Variants in BRAF observed in about 807,000 individuals in gnomAD.
The protein encoded by BRAF is B-Raf proto-oncogene, serine/threonine kinase.
BRAF carries 16 observed loss-of-function variants against 104.6 expected under a neutral mutation model. The observed-to-expected ratio is 0.15, with a 90% CI of 0.10 to 0.23. The LOEUF (loss-of-function observed/expected upper bound fraction) is 0.23. BRAF is among the 10% of genes least tolerant of loss of function. BRAF has a pLI of 1.00. For synonymous variants in BRAF, 310 were observed against 341.6 expected (o/e 0.91, Z 1.02); for missense variants, 541 against 937.3 (o/e 0.58, Z 5.52).
rs1001080929 is a variant in BRAF at position 140,762,604 on chromosome 7, T to G, written c.1815-8371A>C. 9.3e-5 allele frequency among the ~76,000 whole-genome samples: 6 copies of G among 64,458 alleles called. No homozygotes were observed. The East Asian group carries it at 2.2e-3, about 24-fold the overall frequency. 42.3% of individuals were successfully genotyped at this position (64,458 alleles called of 152,430 possible). A position where few individuals can be genotyped will look rare whatever the true frequency, so the allele number is the denominator to read the frequency against. ...AAAAAATTAATGAATCCAGGAGCTGTTTTTTTTTTTTTTTTTTTTTTAATT... is the reference window on the plus strand; with the variant it reads ...AAAAAATTAATGAATCCAGGAGCTGGTTTTTTTTTTTTTTTTTTTTTAATT... On this transcript the variant is annotated intron_variant, in intron 14 of 19. Transcript: ENST00000644969.
At chr7:140,736,004 G>GAGTATA (rs1355180676) in intron 18 of BRAF, among the ~76,000 whole-genome samples, 3 of 151,228 alleles carry the variant, frequency 2.0e-5, no homozygotes, top group Admixed American at 6.6e-5. Flanking sequence ...AATGTATAAA[G>GAGTATA]AGTATAAGGC....
chr7:140,874,006 T>C (rs922381467), intron 1 of BRAF, among the ~76,000 whole-genome samples: 1 of 151,872 alleles, frequency 6.6e-6, no homozygotes, highest in African/African-American at 2.4e-5. Flanking sequence ...AAAGAACAAA[T>C]TGAGCAGAAA....
chr7:140,746,376 GGGGATGACAAA>G, intron 17 of BRAF, among the ~76,000 whole-genome samples: 1 of 152,158 alleles, frequency 6.6e-6, no homozygotes, highest in African/African-American at 2.4e-5. Flanking sequence ...AAGAGAGTGG[GGGGATGACAAA>G]GTGATTTCCC....
chr7:140,853,013 G>C (rs1809352037), intron 1 of BRAF, among the ~76,000 whole-genome samples: 1 of 152,018 alleles, frequency 6.6e-6, no homozygotes, highest in Non-Finnish European at 1.5e-5. Flanking sequence ...TTACCACCCT[G>C]GTCTAAGCCA....
intron 14 of BRAF, among the ~76,000 whole-genome samples, chr7:140,759,590 T>C (rs1028703967): frequency 6.6e-6 from 1 of 152,222 alleles, no homozygotes; most frequent in Non-Finnish European, 1.5e-5. Flanking sequence ...TTCACCATTT[T>C]GGTCAAGCTG....
intron 1 of BRAF, among the ~76,000 whole-genome samples, chr7:140,874,505 A>C (rs1811980212): frequency 6.6e-6 from 1 of 151,332 alleles, no homozygotes; most frequent in African/African-American, 2.4e-5. Context: ...TGGCCTAAAA[A>C]AAGTTTACTT....
chr7:140,872,244 TTGC>T (rs1811685795), intron 1 of BRAF, among the ~76,000 whole-genome samples: 1 of 151,224 alleles, frequency 6.6e-6, no homozygotes, highest in African/African-American at 2.4e-5. Flanking sequence ...AATAAATAAA[TTGC>T]ACAGAACAAG....
Position 140,724,512 on chromosome 7 carries a change from TAAA to T in BRAF, c.*1979_*1981del. The T allele has an allele frequency of 9.5e-7, 1 of 1,049,300 alleles. No homozygotes were observed. Among genetic ancestry groups the T allele is most frequent in the Non-Finnish European group, 1.2e-6 (1 of 869,332 alleles). 65.0% of individuals were successfully genotyped at this position (1,049,300 alleles called of 1,614,324 possible). On this transcript the variant is annotated 3_prime_UTR_variant, in exon 20 of 20. Transcript: ENST00000644969. ...GACACTGCCCTGCTGATGTAAAACTTAAAAACAAATTTGCTTTTCAAACTGATT... is the reference window on the plus strand; with the variant it reads ...GACACTGCCCTGCTGATGTAAAACTTAACAAATTTGCTTTTCAAACTGATT...
chr7:140,901,473 C>T (rs1270992896), intron 1 of BRAF, among the ~76,000 whole-genome samples: 2 of 152,170 alleles, frequency 1.3e-5, no homozygotes, highest in African/African-American at 4.8e-5. Flanking sequence ...TATATTTTGG[C>T]TATTCTTGCC....
intron 3 of BRAF, among the ~76,000 whole-genome samples, chr7:140,810,916 C>T (rs1804192024): frequency 6.6e-6 from 1 of 152,158 alleles, no homozygotes; most frequent in Admixed American, 6.5e-5. Context: ...TTTGGTGCCA[C>T]TTTTTTCTCA....
intron 14 of BRAF, among the ~76,000 whole-genome samples, chr7:140,761,938 T>C (rs1798780528): frequency 6.6e-6 from 1 of 152,080 alleles, no homozygotes; most frequent in South Asian, 2.1e-4. Context: ...ACAATAATAA[T>C]GGGAGACTTT....
chr7:140,811,535 A>G (rs539019079), intron 3 of BRAF, among the ~76,000 whole-genome samples: 1 of 152,348 alleles, frequency 6.6e-6, no homozygotes, highest in East Asian at 1.9e-4. Flanking sequence ...AAAGGGCAAC[A>G]GCAGCTTGGA....
intron 11 of BRAF, among the ~76,000 whole-genome samples, chr7:140,782,438 T>C (rs1274439429): frequency 6.7e-6 from 1 of 149,480 alleles, no homozygotes; most frequent in Non-Finnish European, 1.5e-5. Context: ...AATTTCTTCA[T>C]GTATCTTATC....
At chr7:140,912,090 C>G (rs1388241044) in intron 1 of BRAF, among the ~76,000 whole-genome samples, 1 of 152,198 alleles carries the variant, frequency 6.6e-6, no homozygotes, top group African/African-American at 2.4e-5. Flanking sequence ...GAGTTGGAGG[C>G]TGCAGTGAGC....
intron 2 of BRAF, among the ~76,000 whole-genome samples, chr7:140,847,156 CA>C (rs1213511671): frequency 6.6e-6 from 1 of 151,350 alleles, no homozygotes; most frequent in African/African-American, 2.4e-5. Context: ...TCCATCTCAA[CA>C]AAAAATAAAA....
At chr7:140,739,380 T>C (rs1796709998) in intron 18 of BRAF, among the ~76,000 whole-genome samples, 1 of 152,152 alleles carries the variant, frequency 6.6e-6, no homozygotes, top group African/African-American at 2.4e-5. Flanking sequence ...TCACTAATTT[T>C]TTTCTCTTAG....
At position 140,719,862 on chromosome 7, in the gene BRAF, G is replaced by C; in HGVS notation, c.*6632C>G. The stretch of plus-strand genomic sequence containing the variant: ...ACCTTTTCAATGCTTGAGTGGAACT[G>C]AAGTGTACTAAACCCGAACCTTTGG... On this transcript the variant is annotated 3_prime_UTR_variant, in exon 20 of 20. Transcript: ENST00000644969. The C allele has an allele frequency of 9.4e-7, 1 of 1,063,064 alleles. No homozygotes were observed. Among genetic ancestry groups the C allele is most frequent in the South Asian group, 4.6e-5 (1 of 21,958 alleles). 65.9% of individuals were successfully genotyped at this position (1,063,064 alleles called of 1,614,324 possible).
At chr7:140,738,658 C>T (rs922616217) in intron 18 of BRAF, among the ~76,000 whole-genome samples, 1 of 152,028 alleles carries the variant, frequency 6.6e-6, no homozygotes, top group Admixed American at 6.6e-5. Context: ...ATTCTGTTGC[C>T]CTGGCTGGAA....
At chr7:140,714,341 A>G (rs1301018892), downstream of BRAF, among the ~76,000 whole-genome samples, 1 of 152,162 alleles carries the variant, frequency 6.6e-6, no homozygotes, top group East Asian at 1.9e-4. Flanking sequence ...GACTGGACAG[A>G]ATTCTCCTCT....
Sources: allele counts gnomAD v4.1 joint callset (sites outside exome capture counted in the v4.1 genomes callset), GRCh38; gene constraint gnomAD v4.1.1; transcripts MANE v1.5; gene names NCBI Gene and HGNC (gene_info 2026-07-23, HGNC 2026-07-21).